Variants in KDM5B observed in about 807,000 individuals in gnomAD.
KDM5B encodes the protein lysine demethylase 5B.
In KDM5B, 144 loss-of-function variants were observed where a neutral mutation model predicts 193.4. That is an observed-to-expected ratio of 0.74 (90% CI 0.65 to 0.86). KDM5B has a LOEUF of 0.86. KDM5B is among the 40% of genes least tolerant of loss of function. The pLI is 0.00. For synonymous variants in KDM5B, 668 were observed against 682.6 expected, an observed-to-expected ratio of 0.98 and a Z score of 0.33; for missense variants, 1,833 against 1,886.9, an observed-to-expected ratio of 0.97 and a Z score of 0.53.
intron 1 of KDM5B, among the ~76,000 whole-genome samples, chr1:202,778,548 A>C (rs1194661005): frequency 5.9e-5 from 9 of 152,236 alleles, no homozygotes; most frequent in Admixed American, 5.9e-4. Flanking sequence ...GTACATTTTA[A>C]TATTTTAATA....
intron 22 of KDM5B, 68 bp downstream of exon 22, chr1:202,735,361 A>T: frequency 1.3e-6 from 2 of 1,506,184 alleles, no homozygotes; most frequent in South Asian, 2.6e-5. Flanking sequence ...AAATTCCTAT[A>T]AAACAGAAAG....
chr1:202,767,456 C>A, intron 4 of KDM5B: 1 of 1,189,000 alleles, frequency 8.4e-7, no homozygotes, highest in East Asian at 2.3e-5. Flanking sequence ...GTGCAGAGAC[C>A]GAGGAAGGAT....
chr1:202,729,572 G>T, intron 26 of KDM5B, 135 bp downstream of exon 26: 1 of 711,242 alleles, frequency 1.4e-6, no homozygotes, highest in Non-Finnish European at 2.3e-6. Flanking sequence ...TATCAGTGGG[G>T]GAAGGGCTGA....
In KDM5B at chr1:202,733,684, A is replaced by G. The variant is rs758401705; in HGVS notation, c.3626T>C (p.Ile1209Thr). 6.2e-6 allele frequency: 10 copies of G among 1,614,012 alleles called. No homozygotes were observed. In the South Asian group the frequency reaches 1.1e-4, roughly 18 times the overall value. The change falls in exon 23 of 27, where the codon ATT (isoleucine) becomes ACT (threonine). Residue 1209 changes from isoleucine to threonine, a missense_variant. By Grantham distance (89) the Ile-to-Thr change is moderately conservative (BLOSUM62 -1). Transcript: ENST00000367265. Reference sequence around the variant, plus strand: ...AAGCCAGATTCGCAGGCCCTGTGAAATACTGGGTACCGCCACACAACTGGT... The same window carrying G: ...AAGCCAGATTCGCAGGCCCTGTGAAGTACTGGGTACCGCCACACAACTGGT... ...FHTSCVAVPSISQGLRIWLCP... is the reference protein window; with the variant it reads ...FHTSCVAVPSTSQGLRIWLCP...
chr1:202,738,000 C>T (rs979822237), intron 20 of KDM5B, among the ~76,000 whole-genome samples: 1 of 152,124 alleles, frequency 6.6e-6, no homozygotes, highest in African/African-American at 2.4e-5. Context: ...TAATGCTATT[C>T]CTATGATATT....
intron 23 of KDM5B, among the ~76,000 whole-genome samples, chr1:202,733,171 T>A (rs935596491): frequency 2.0e-5 from 3 of 152,206 alleles, no homozygotes; most frequent in Non-Finnish European, 4.4e-5. Flanking sequence ...AAGCTAAATA[T>A]GTGCTCTATA....
Position 202,740,576 on chromosome 1 carries a change from G to A in KDM5B, c.3084+98C>T, listed in dbSNP as rs903698119. 1.8e-5 allele frequency: 22 copies of A among 1,207,754 alleles called. No homozygotes were observed. In the Admixed American group the frequency reaches 4.4e-4, roughly 24 times the overall value. The allele number at this position is 1,207,754 out of a possible 1,614,324, so 74.8% of individuals were successfully genotyped here. A position where few individuals can be genotyped will look rare whatever the true frequency, so the allele number is the denominator to read the frequency against. On this transcript the variant is annotated intron_variant, in intron 20 of 26. Transcript: ENST00000367265. Reference sequence around the variant, plus strand: ...CCTCCCGGACGGGGCGGCTGGCCGGGTCGGGGGCTGACCCCCCCACCTCCC... The same window carrying A: ...CCTCCCGGACGGGGCGGCTGGCCGGATCGGGGGCTGACCCCCCCACCTCCC...
At chr1:202,751,928 A>G (rs904384836) in intron 12 of KDM5B, among the ~76,000 whole-genome samples, 9 of 152,198 alleles carry the variant, frequency 5.9e-5, no homozygotes, top group African/African-American at 2.2e-4. Context: ...AACTATGAGG[A>G]GATGGTGAGA....
intron 1 of KDM5B, among the ~76,000 whole-genome samples, chr1:202,784,449 T>C (rs1014140764): frequency 6.6e-6 from 1 of 152,190 alleles, no homozygotes; most frequent in African/African-American, 2.4e-5. Flanking sequence ...ACTTGCAAGT[T>C]AGCAAATCTT....
chr1:202,770,398 C>T (rs935034489), intron 4 of KDM5B, among the ~76,000 whole-genome samples: 1 of 152,196 alleles, frequency 6.6e-6, no homozygotes, highest in Non-Finnish European at 1.5e-5. Context: ...CACCCTACTT[C>T]ACCCTTTTGC....
intron 24 of KDM5B, 21 bp from the exon 25 acceptor site, chr1:202,731,084 T>G (rs780708324): frequency 6.4e-7 from 1 of 1,569,708 alleles, no homozygotes; most frequent in East Asian, 2.3e-5. Context: ...CCAGACCAAA[T>G]CAAAATGATA....
chr1:202,736,854 C>A (rs1355479794), intron 20 of KDM5B, among the ~76,000 whole-genome samples: 1 of 152,100 alleles, frequency 6.6e-6, no homozygotes, highest in Non-Finnish European at 1.5e-5. Flanking sequence ...GTTGGCCAGG[C>A]TGGTCTCAAA....
chr1:202,804,217 T>C (rs1658193353), intron 1 of KDM5B, among the ~76,000 whole-genome samples: 1 of 151,788 alleles, frequency 6.6e-6, no homozygotes, highest in South Asian at 2.1e-4. Context: ...TTACACATCA[T>C]AAATTCGTGA....
chr1:202,745,829 A>G (rs1340617442), intron 16 of KDM5B, 29 bp downstream of exon 16: 1 of 1,613,412 alleles, frequency 6.2e-7, no homozygotes, highest in Non-Finnish European at 8.5e-7. Context: ...CAATTTGCCA[A>G]TCACCAAGTC....
chr1:202,729,976 G>A lies in KDM5B; in HGVS notation c.4228C>T (p.Leu1410=), dbSNP rs1181364454. Residue 1410 remains leucine (L), a synonymous_variant, in exon 26 of 27, where the codon CTG becomes TTG. Transcript: ENST00000367265. ...CCCTCTCTTTCCAGGCGTCTCTTCA[G>A]TTTTCTCTCAAGACTGTTAATTCCA... ...RDGINSLERK[L]KRRLEREGLS... 3 of 1,613,646 alleles carry A rather than the reference G, an allele frequency of 1.9e-6. No individual in the cohort carries two copies. In the African/African-American group the frequency reaches 4.0e-5, roughly 22 times the overall value.
At chr1:202,767,105 C>G (rs752786785) in intron 4 of KDM5B, 45 bp from the exon 5 acceptor site, 2 of 1,579,170 alleles carry the variant, frequency 1.3e-6, no homozygotes. Context: ...TTTTTTTTTT[C>G]ACATCATAAG....
chr1:202,777,022 A>C lies in KDM5B; in HGVS notation c.277T>G (p.Leu93Val). The change falls in exon 2 of 27, where the codon TTG (leucine) becomes GTG (valine). Residue 93 changes from leucine to valine, a missense_variant. Leu to Val is a conservative substitution (Grantham distance 32). Coordinates refer to ENST00000367265, the MANE Select transcript of KDM5B (RefSeq NM_006618.5). ...FTPRIQRLNELEAQTRVKLNF... is the reference protein window; with the variant it reads ...FTPRIQRLNEVEAQTRVKLNF... The stretch of plus-strand genomic sequence containing the variant: ...AACAATAGTGAAGACATTACCTCCA[A>C]TTCATTCAGTCTCTGGATACGTGGC... 2 of 1,606,236 alleles carry C rather than the reference A, an allele frequency of 1.2e-6. No individual in the cohort carries two copies. The highest frequency in any genetic ancestry group is 1.7e-6 in the Non-Finnish European group (2 of 1,172,796).
At chr1:202,802,425 G>A (rs1658114111) in intron 1 of KDM5B, among the ~76,000 whole-genome samples, 1 of 151,840 alleles carries the variant, frequency 6.6e-6, no homozygotes. Flanking sequence ...TCTTTTTTGA[G>A]CCTGTTGCCC....
At chr1:202,731,635 C>A (rs1166292486) in intron 24 of KDM5B, among the ~76,000 whole-genome samples, 193 bp downstream of exon 24, 1 of 152,316 alleles carries the variant, frequency 6.6e-6, no homozygotes, top group East Asian at 1.9e-4. Context: ...GATATAAAGT[C>A]TTCCTCTCTG....
Sources: allele counts gnomAD v4.1 joint callset (sites outside exome capture counted in the v4.1 genomes callset), GRCh38; gene constraint gnomAD v4.1.1; transcripts MANE v1.5; gene names NCBI Gene and HGNC (gene_info 2026-07-23, HGNC 2026-07-21).